SCAMP2: variants seen among roughly 807,000 people sequenced by gnomAD.
SCAMP2 encodes the protein secretory carrier membrane protein 2.
A neutral mutation model predicts 44.1 loss-of-function variants in SCAMP2; 25 were observed. The observed-to-expected ratio is 0.57, with a 90% CI of 0.41 to 0.79. The LOEUF (loss-of-function observed/expected upper bound fraction) is 0.79. Ranked by LOEUF, SCAMP2 falls within the 30% of genes least tolerant of loss-of-function variation. The probability of loss-of-function intolerance (pLI) is 0.00; values close to 1 mark genes in which losing one functional copy is unlikely to be tolerated. For synonymous variants in SCAMP2, 156 were observed against 166.0 expected, an observed-to-expected ratio of 0.94 and a Z score of 0.46; for missense variants, 355 against 411.0, an observed-to-expected ratio of 0.86 and a Z score of 1.18.
At chr15:74,846,446 C>CAAA (rs35643920) in intron 7 of SCAMP2, among the ~76,000 whole-genome samples, 1 of 109,440 alleles carries the variant, frequency 9.1e-6, no homozygotes, top group Non-Finnish European at 1.8e-5. Context: ...ACCCTGTCTC[C>CAAA]AAAAAAAAAA....
intron 7 of SCAMP2, among the ~76,000 whole-genome samples, chr15:74,846,235 T>C (rs1443379074): frequency 2.0e-5 from 3 of 150,992 alleles, no homozygotes; most frequent in Admixed American, 2.0e-4. Context: ...TGAGCCGAGA[T>C]CATGCCATTG....
At chr15:74,868,040 A>G (rs1370109306) in intron 1 of SCAMP2, among the ~76,000 whole-genome samples, 1 of 152,148 alleles carries the variant, frequency 6.6e-6, no homozygotes, top group Non-Finnish European at 1.5e-5. Context: ...TTAATGAGAA[A>G]CTTTTGGGAG....
chr15:74,873,131 A>G (rs951943962), intron 1 of SCAMP2, 68 bp downstream of exon 1: 1 of 1,305,438 alleles, frequency 7.7e-7, no homozygotes, highest in Non-Finnish European at 1.0e-6. Context: ...GGCTCTAGCG[A>G]GAGGCCCGGG....
chr15:74,866,370 G>A (rs1016049714), intron 1 of SCAMP2, among the ~76,000 whole-genome samples: 1 of 151,926 alleles, frequency 6.6e-6, no homozygotes, highest in Non-Finnish European at 1.5e-5. Flanking sequence ...AGGGATGACA[G>A]CAAGCAGGAG....
chr15:74,864,631 A>G (rs1442073954), intron 1 of SCAMP2, among the ~76,000 whole-genome samples: 1 of 152,178 alleles, frequency 6.6e-6, no homozygotes, highest in African/African-American at 2.4e-5. Flanking sequence ...ACAACTGTCA[A>G]CATGGGTGAA....
rs1023967366 is a variant in SCAMP2 at position 74,873,278 on chromosome 15, A to G, written c.-23T>C. 6.1e-6 allele frequency: 9 copies of G among 1,477,854 alleles called. No individual in the cohort carries two copies. In the Admixed American group the frequency reaches 1.1e-4, roughly 18 times the overall value. The allele number at this position is 1,477,854 out of a possible 1,614,324, so 91.5% of individuals were successfully genotyped here. On this transcript the variant is annotated 5_prime_UTR_variant, in exon 1 of 9. Transcript: ENST00000268099. Reference sequence around the variant, plus strand: ...CATGGTGATCGGGGGCCAGCGGGCGAACTCCGCGAACGCTGCTGCCTCCGG... The same window carrying G: ...CATGGTGATCGGGGGCCAGCGGGCGGACTCCGCGAACGCTGCTGCCTCCGG...
At chr15:74,847,946 G>A (rs1412324181) in intron 7 of SCAMP2, among the ~76,000 whole-genome samples, 1 of 152,204 alleles carries the variant, frequency 6.6e-6, no homozygotes, top group Non-Finnish European at 1.5e-5. Context: ...GCTTTCAGGA[G>A]GGTGTGGCAG....
chr15:74,851,953 AG>A (rs1376417317), intron 4 of SCAMP2, 115 bp downstream of exon 4: 13 of 618,072 alleles, frequency 2.1e-5, no homozygotes, highest in Non-Finnish European at 2.4e-5. Flanking sequence ...TGATGAGAAG[AG>A]CCCCACAAAA....
In SCAMP2 at chr15:74,851,359, A is replaced by G. The variant is rs2064434117; in HGVS notation, c.466T>C (p.Trp156Arg). Reference protein sequence around the residue: ...QRICKMLYYLWMLHSVTLFLN... With the variant: ...QRICKMLYYLRMLHSVTLFLN... ...AGGCAGGAGTGGGACTCACACATCC[A>G]CAGATAGTAGAGCATCTTGCATATC... The change falls in exon 5 of 9, where the codon TGG (tryptophan) becomes CGG (arginine). Residue 156 changes from tryptophan to arginine, a missense_variant. Physicochemically the swap from Trp to Arg is moderately radical, Grantham distance 101 (BLOSUM62 -3). Transcript: ENST00000268099. 1 of 1,613,812 alleles carries G rather than the reference A, an allele frequency of 6.2e-7. No individual in the cohort carries two copies. The highest frequency in any genetic ancestry group is 8.5e-7 in the Non-Finnish European group (1 of 1,179,896).
intron 2 of SCAMP2, 146 bp from the exon 3 acceptor site, chr15:74,854,265 C>T: frequency 1.2e-6 from 1 of 801,606 alleles, no homozygotes; most frequent in African/African-American, 1.7e-5. Context: ...CTGTGGCTTC[C>T]CAGCCAACAA....
chr15:74,868,002 T>A (rs933068168), intron 1 of SCAMP2, among the ~76,000 whole-genome samples: 1 of 152,200 alleles, frequency 6.6e-6, no homozygotes, highest in Admixed American at 6.6e-5. Context: ...TCCCTTTAGC[T>A]TTCCACCCCT....
At chr15:74,848,069 C>CTTTT (rs77348114) in intron 7 of SCAMP2, among the ~76,000 whole-genome samples, 5 of 140,236 alleles carry the variant, frequency 3.6e-5, no homozygotes, top group Non-Finnish European at 1.6e-5. Flanking sequence ...AAGATAGTGT[C>CTTTT]TTTTTTTTTT....
At chr15:74,866,381 C>T (rs1330819072) in intron 1 of SCAMP2, among the ~76,000 whole-genome samples, 8 of 151,704 alleles carry the variant, frequency 5.3e-5, no homozygotes, top group African/African-American at 1.7e-4. Context: ...CAAGCAGGAG[C>T]GACTTTTGGT....
rs538809846 is a variant in SCAMP2 at position 74,863,374 on chromosome 15, C to T, written c.58-8725G>A. Among the ~76,000 whole-genome samples, 258 of 151,126 alleles carry T rather than the reference C, an allele frequency of 1.7e-3. 2 individuals carry two copies. Among genetic ancestry groups the T allele is most frequent in the African/African-American group, 6.2e-3 (253 of 41,118 alleles). On this transcript the variant is annotated intron_variant, in intron 1 of 8. Coordinates refer to ENST00000268099, the MANE Select transcript of SCAMP2 (RefSeq NM_005697.5). ...AAAAAAAAAAAAATCAGCCAGGTCT[C>T]GTCGTGGGTACCTGTGGTCCCAGCT...
At chr15:74,857,530 A>G (rs552742981) in intron 1 of SCAMP2, among the ~76,000 whole-genome samples, 1 of 152,308 alleles carries the variant, frequency 6.6e-6, no homozygotes, top group South Asian at 2.1e-4. Context: ...TCACCAGAGG[A>G]CAGAGGAAGA....
At chr15:74,864,754 G>A (rs113772199) in intron 1 of SCAMP2, among the ~76,000 whole-genome samples, 1 of 152,222 alleles carries the variant, frequency 6.6e-6, no homozygotes, top group Non-Finnish European at 1.5e-5. Context: ...GGGTTGGCCT[G>A]GGAATGGAAA....
intron 1 of SCAMP2, among the ~76,000 whole-genome samples, chr15:74,864,216 C>T (rs972833370): frequency 2.6e-5 from 4 of 152,144 alleles, no homozygotes; most frequent in African/African-American, 7.2e-5. Flanking sequence ...TGTGTGCCAC[C>T]ATGCCCAGCT....
rs774691728 is a variant in SCAMP2 at position 74,854,145 on chromosome 15, A to T, written c.127-26T>A. On this transcript the variant is annotated intron_variant, in intron 2 of 8. Coordinates refer to ENST00000268099, the MANE Select transcript of SCAMP2 (RefSeq NM_005697.5). ...CTACATGGAACAAATCAAAAGACAG[A>T]ATTGAGTGGGACTCCATTAGCTGGT... 1.9e-6 allele frequency: 3 copies of T among 1,595,794 alleles called. No homozygotes were observed. In the South Asian group the frequency reaches 3.3e-5, roughly 18 times the overall value.
intron 1 of SCAMP2, among the ~76,000 whole-genome samples, chr15:74,862,832 AAAAAAAC>A (rs1488867923): frequency 1.5e-4 from 21 of 142,590 alleles, no homozygotes; most frequent in Non-Finnish European, 2.9e-4. Context: ...AAAAAAAAAA[AAAAAAAC>A]AAAAAACAAA....
Sources: gnomAD v4.1 joint callset for allele counts (sites outside exome capture counted in the v4.1 genomes callset) on GRCh38, gnomAD v4.1.1 for gene constraint, MANE v1.5 for transcripts, NCBI Gene and HGNC (gene_info 2026-07-23, HGNC 2026-07-21) for gene names.